The following PELI2 variants were observed in gnomAD, a reference collection of about 807,000 sequenced individuals.
PELI2 encodes pellino E3 ubiquitin protein ligase family member 2.
A neutral mutation model predicts 42.3 loss-of-function variants in PELI2; 23 were observed. That is an observed-to-expected ratio of 0.54 (90% CI 0.39 to 0.77). The LOEUF (loss-of-function observed/expected upper bound fraction) is 0.77, where lower values mean the gene tolerates loss of function less well. Ranked by LOEUF, PELI2 falls within the 30% of genes least tolerant of loss-of-function variation. The pLI, the probability that PELI2 is intolerant of heterozygous loss-of-function variation, is 0.00. For synonymous variants in PELI2, 245 were observed against 212.2 expected (o/e 1.15, Z -1.34); for missense variants, 463 against 553.2 (o/e 0.84, Z 1.64).
At chr14:56,269,913 T>C (rs540533229) in intron 2 of PELI2, among the ~76,000 whole-genome samples, 1 of 152,350 alleles carries the variant, frequency 6.6e-6, no homozygotes, top group Admixed American at 6.5e-5. Flanking sequence ...TTTTCCCAAC[T>C]ATATTCAAGT....
At chr14:56,127,024 G>C (rs1883295665) in intron 1 of PELI2, among the ~76,000 whole-genome samples, 1 of 152,114 alleles carries the variant, frequency 6.6e-6, no homozygotes, top group Non-Finnish European at 1.5e-5. Context: ...CAGCCTTTTT[G>C]ATGAGTTATT....
intron 2 of PELI2, among the ~76,000 whole-genome samples, chr14:56,191,605 T>C (rs1001472114): frequency 6.6e-6 from 1 of 152,184 alleles, no homozygotes; most frequent in Non-Finnish European, 1.5e-5. Flanking sequence ...CCAAAGGGTG[T>C]TGCTAGTACC....
At chr14:56,174,647 C>T (rs528793521) in intron 1 of PELI2, among the ~76,000 whole-genome samples, 5 of 152,292 alleles carry the variant, frequency 3.3e-5, no homozygotes, top group African/African-American at 1.2e-4. Context: ...TTCCCCTTCT[C>T]GAGCTTTCTC....
At chr14:56,151,659 C>T (rs1884364044) in intron 1 of PELI2, among the ~76,000 whole-genome samples, 1 of 152,144 alleles carries the variant, frequency 6.6e-6, no homozygotes, top group Non-Finnish European at 1.5e-5. Flanking sequence ...ATTAACAGGG[C>T]CTCCCCTATA....
Position 56,136,554 on chromosome 14 carries a change from C to T in PELI2, c.77+17817C>T, listed in dbSNP as rs1883694587. ...CAGAGCTGTTTAGTTAGAGGGCTGC[C>T]TTTTGTTTAAATAAGAATAAAAATA... On this transcript the variant is annotated intron_variant, in intron 1 of 5. Coordinates refer to ENST00000267460, the MANE Select transcript of PELI2 (RefSeq NM_021255.3). Among the ~76,000 whole-genome samples the T allele has an allele frequency of 2.0e-5, 3 of 152,100 alleles. No homozygotes were observed. The South Asian group carries it at 6.2e-4, about 32-fold the overall frequency.
At chr14:56,188,638 T>C (rs1322206523) in intron 2 of PELI2, among the ~76,000 whole-genome samples, 1 of 152,160 alleles carries the variant, frequency 6.6e-6, no homozygotes, top group Non-Finnish European at 1.5e-5. Flanking sequence ...GCATAAAAAC[T>C]TGTGTGTATC....
chr14:56,215,173 CTTAT>C (rs1281251992), intron 2 of PELI2, among the ~76,000 whole-genome samples: 1 of 152,182 alleles, frequency 6.6e-6, no homozygotes, highest in African/African-American at 2.4e-5. Context: ...TTCTATCAGC[CTTAT>C]TTGAGACTCA....
At chr14:56,280,576 G>A (rs888582583) in intron 3 of PELI2, among the ~76,000 whole-genome samples, 2 of 151,874 alleles carry the variant, frequency 1.3e-5, no homozygotes, top group African/African-American at 2.4e-5. Flanking sequence ...AAATGATGTC[G>A]AAACAAACAT....
chr14:56,143,812 T>C (rs898040879), intron 1 of PELI2, among the ~76,000 whole-genome samples: 2 of 152,262 alleles, frequency 1.3e-5, no homozygotes, highest in African/African-American at 4.8e-5. Context: ...CAGCATATGA[T>C]GTTTTAGGCT....
intron 3 of PELI2, among the ~76,000 whole-genome samples, chr14:56,280,722 G>A (rs1340579665): frequency 1.3e-5 from 2 of 152,056 alleles, no homozygotes; most frequent in Non-Finnish European, 2.9e-5. Flanking sequence ...GAATAGGGAA[G>A]GATCAATAGT....
At chr14:56,188,852 C>A (rs988486581) in intron 2 of PELI2, among the ~76,000 whole-genome samples, 2 of 152,104 alleles carry the variant, frequency 1.3e-5, no homozygotes, top group African/African-American at 2.4e-5. Flanking sequence ...TGTGGCTCAT[C>A]TTTCACTTTA....
At chr14:56,191,278 A>G (rs1885940515) in intron 2 of PELI2, among the ~76,000 whole-genome samples, 1 of 152,248 alleles carries the variant, frequency 6.6e-6, no homozygotes, top group South Asian at 2.1e-4. Flanking sequence ...AGGTAATTTC[A>G]TGAAGTGCAA....
chr14:56,212,264 AT>A (rs1886738317), intron 2 of PELI2, among the ~76,000 whole-genome samples: 1 of 152,212 alleles, frequency 6.6e-6, no homozygotes, highest in African/African-American at 2.4e-5. Flanking sequence ...GGTTTTTCAC[AT>A]TCTACCCTAC....
chr14:56,143,143 T>G (rs1425777753), intron 1 of PELI2, among the ~76,000 whole-genome samples: 1 of 152,216 alleles, frequency 6.6e-6, no homozygotes, highest in Non-Finnish European at 1.5e-5. Flanking sequence ...TTCCTCAGTC[T>G]TTCATGACCA....
At chr14:56,221,174 C>A (rs1887120536) in intron 2 of PELI2, among the ~76,000 whole-genome samples, 2 of 152,134 alleles carry the variant, frequency 1.3e-5, no homozygotes, top group African/African-American at 4.8e-5. Flanking sequence ...TTGTGAGGCA[C>A]TGAATTTAGG....
chr14:56,260,200 T>G (rs1454673509), intron 2 of PELI2, among the ~76,000 whole-genome samples: 1 of 152,108 alleles, frequency 6.6e-6, no homozygotes, highest in East Asian at 1.9e-4. Flanking sequence ...CCCAGATATA[T>G]ACATTTCTGG....
chr14:56,240,253 A>G (rs1887925776), intron 2 of PELI2, among the ~76,000 whole-genome samples: 1 of 152,156 alleles, frequency 6.6e-6, no homozygotes, highest in African/African-American at 2.4e-5. Context: ...CTGTTAGGAT[A>G]GGAGGCTGTT....
intron 2 of PELI2, among the ~76,000 whole-genome samples, chr14:56,183,363 A>G (rs1053687677): frequency 6.6e-6 from 1 of 151,394 alleles, no homozygotes; most frequent in African/African-American, 2.5e-5. Flanking sequence ...AAAATAATAA[A>G]CATAAATCAT....
intron 2 of PELI2, among the ~76,000 whole-genome samples, chr14:56,274,116 T>C (rs1041114922): frequency 6.6e-6 from 1 of 152,158 alleles, no homozygotes; most frequent in Non-Finnish European, 1.5e-5. Context: ...TACATTTCCA[T>C]GCGCTAGCCT....
Sources: gnomAD v4.1 joint callset for allele counts (sites outside exome capture counted in the v4.1 genomes callset) on GRCh38, gnomAD v4.1.1 for gene constraint, MANE v1.5 for transcripts, NCBI Gene and HGNC (gene_info 2026-07-23, HGNC 2026-07-21) for gene names.